Variants in PTGER1 observed in about 807,000 individuals in gnomAD.
PTGER1 encodes prostaglandin E receptor 1.
Under a neutral mutation model 18.5 loss-of-function variants are expected in PTGER1, and 15 were observed. The ratio of observed to expected loss-of-function variants is 0.81; its 90% CI spans 0.54 to 1.25. The LOEUF is 1.25. Among genes scored for constraint, PTGER1 ranks in the 50% most tolerant of loss-of-function variants. PTGER1 has a pLI of 0.00. For synonymous variants in PTGER1, 339 were observed against 308.4 expected (o/e 1.10, Z -1.04); for missense variants, 567 against 603.4 (o/e 0.94, Z 0.63).
intron 2 of PTGER1, 48 bp from the exon 3 acceptor site, chr19:14,472,874 G>A (rs201936331): frequency 6.6e-7 from 1 of 1,506,498 alleles, no homozygotes; most frequent in Admixed American, 2.1e-5. Context: ...GGGCGCAGGG[G>A]GGCGCAGGGA....
rs1398382263 is a variant in PTGER1 at position 14,474,247 on chromosome 19, T to A, written c.74A>T (p.Asn25Ile). 14 of 1,529,668 alleles carry A rather than the reference T, an allele frequency of 9.2e-6. No individual in the cohort carries two copies. The highest frequency in any genetic ancestry group is 1.2e-5 in the Non-Finnish European group (14 of 1,144,252). 94.8% of individuals were successfully genotyped at this position (1,529,668 alleles called of 1,614,324 possible). A position where few individuals can be genotyped will look rare whatever the true frequency, so the allele number is the denominator to read the frequency against. Residue 25 changes from asparagine to isoleucine, a missense_variant, in exon 2 of 3, where the codon AAC (asparagine) becomes ATC (isoleucine). By Grantham distance (149) the Asn-to-Ile change is moderately radical. Coordinates refer to ENST00000292513, the MANE Select transcript of PTGER1 (RefSeq NM_000955.3). The surrounding 1 kb of genome is among the most constrained non-coding windows in gnomAD (Gnocchi z 5.4). The part of the protein sequence containing the change: ...ATTCAAPWVP[N>I]TSAVPPSGAS... ...GCCCGACGGCGGCACGGCCGACGTG[T>A]TGGGGACCCAGGGCGCCGCGCATGT...
In PTGER1 at chr19:14,474,463, TG is replaced by T; in HGVS notation, c.-17-127del. The T allele has an allele frequency of 1.8e-6, 2 of 1,115,176 alleles. No homozygotes were observed. Among genetic ancestry groups the T allele is most frequent in the Non-Finnish European group, 2.4e-6 (2 of 838,966 alleles). The allele number at this position is 1,115,176 out of a possible 1,614,324, so 69.1% of individuals were successfully genotyped here. On this transcript the variant is annotated intron_variant, in intron 1 of 2. Transcript: ENST00000292513. The surrounding 1 kb of genome is among the most constrained non-coding windows in gnomAD (Gnocchi z 5.4). Reference sequence around the variant, plus strand: ...CGTTCTCAGGCGGCCCCTCTGCCCATGGCAGTTGCCATGGGCAACTCCAAAT... The same window carrying T: ...CGTTCTCAGGCGGCCCCTCTGCCCATGCAGTTGCCATGGGCAACTCCAAAT...
At position 14,474,032 on chromosome 19, in the gene PTGER1, G is replaced by T. The variant is rs1467103732; in HGVS notation, c.289C>A (p.Arg97Ser). The T allele has an allele frequency of 1.3e-6, 2 of 1,498,622 alleles. No individual in the cohort carries two copies. Among genetic ancestry groups the T allele is most frequent in the Non-Finnish European group, 1.8e-6 (2 of 1,129,214 alleles). The allele number at this position is 1,498,622 out of a possible 1,614,324, so 92.8% of individuals were successfully genotyped here. ...GHVIPGALVL[R>S]LYTAGRAPAG... The stretch of plus-strand genomic sequence containing the variant: ...GGAGCGCGCCCCGCAGTGTACAGAC[G>T]CAGCACCAGCGCGCCCGGGATCACG... The change falls in exon 2 of 3, where the codon CGT becomes AGT. Residue 97 changes from arginine (R) to serine (S), a missense_variant. Arg to Ser is a moderately radical substitution (Grantham distance 110, BLOSUM62 -1). Transcript: ENST00000292513. This position sits in a 1 kb window ranked among gnomAD's most constrained non-coding sequence, Gnocchi z 5.4.
At position 14,473,535 on chromosome 19, in the gene PTGER1, G is replaced by A. The variant is rs1174787759; in HGVS notation, c.786C>T (p.Ser262=). The change falls in exon 2 of 3, where the codon TCC becomes TCT. Residue 262 remains serine, a synonymous_variant. Transcript: ENST00000292513. The surrounding 1 kb of genome is among the most constrained non-coding windows in gnomAD (Gnocchi z 7.1). ...RWGAHGPRSA[S]ASSASSIASA... Reference sequence around the variant, plus strand: ...AAGCGATGGACGAGGCGGACGAGGCGGAGGCCGAGCGGGGTCCGTGCGCCC... The same window carrying A: ...AAGCGATGGACGAGGCGGACGAGGCAGAGGCCGAGCGGGGTCCGTGCGCCC... 17 of 1,554,198 alleles carry A rather than the reference G, an allele frequency of 1.1e-5. No individual in the cohort carries two copies. Among genetic ancestry groups the A allele is most frequent in the Admixed American group, 1.9e-5 (1 of 52,406 alleles).
In PTGER1 at chr19:14,472,652, TG is replaced by T; in HGVS notation, c.1116del (p.Lys373ArgfsTer9). The part of the protein sequence containing the change: ...LLRLLPPRAG[A>X]KGGPAGLGLT... ...AGGCCCAGCCCCGCGGGGCCGCCCT[TG>T]GCTCCGGCCCTCGGGGGCAAGAGGC... On this transcript the variant is annotated frameshift_variant, in exon 3 of 3. Coordinates refer to ENST00000292513, the MANE Select transcript of PTGER1 (RefSeq NM_000955.3). LOFTEE classifies it high-confidence loss of function. 2 of 1,609,012 alleles carry T rather than the reference TG, an allele frequency of 1.2e-6. No individual in the cohort carries two copies. The highest frequency in any genetic ancestry group is 4.5e-5 in the East Asian group (2 of 44,718).
intron 1 of PTGER1, among the ~76,000 whole-genome samples, chr19:14,475,035 G>A (rs1427069694): frequency 6.6e-6 from 1 of 152,228 alleles, no homozygotes; most frequent in Non-Finnish European, 1.5e-5. Flanking sequence ...GAGGCCTGGA[G>A]GCGGCCCCAC....
In PTGER1 at chr19:14,473,339, C is replaced by A. The variant is rs3745460; in HGVS notation, c.942+40G>T. On this transcript the variant is annotated intron_variant, in intron 2 of 2. Transcript: ENST00000292513. The surrounding 1 kb of genome is among the most constrained non-coding windows in gnomAD (Gnocchi z 7.1). ...AGGGCGGGAGGGTGCCGAGAGGGAG[C>A]GGGAAGGAGCGTGGCTCGAGGGGCC... 1 of 1,549,894 alleles carries A rather than the reference C, an allele frequency of 6.5e-7. No homozygotes were observed. Among genetic ancestry groups the A allele is most frequent in the Non-Finnish European group, 8.7e-7 (1 of 1,152,062 alleles).
chr19:14,472,528 G>A lies in PTGER1; in HGVS notation c.*32C>T, dbSNP rs780719215. On this transcript the variant is annotated 3_prime_UTR_variant, in exon 3 of 3. Coordinates refer to ENST00000292513, the MANE Select transcript of PTGER1 (RefSeq NM_000955.3). ...GCGCACCTGGGCCCAGCCCAGGGTG[G>A]GCTGGCTTAGTCGTTGGGCCTCTGG... 1 of 1,516,840 alleles carries A rather than the reference G, an allele frequency of 6.6e-7. No homozygotes were observed. The highest frequency in any genetic ancestry group is 8.8e-7 in the Non-Finnish European group (1 of 1,139,588). 94.0% of individuals were successfully genotyped at this position (1,516,840 alleles called of 1,614,324 possible). A position where few individuals can be genotyped will look rare whatever the true frequency, so the allele number is the denominator to read the frequency against.
At position 14,472,936 on chromosome 19, in the gene PTGER1, G is replaced by C. The variant is rs2071579295; in HGVS notation, c.943-110C>G. 1.8e-5 allele frequency: 20 copies of C among 1,120,708 alleles called. 1 individual carries two copies. The South Asian group carries it at 3.1e-4, about 17-fold the overall frequency. 69.4% of individuals were successfully genotyped at this position (1,120,708 alleles called of 1,614,324 possible). ...AGCCTGGGAGGAGGGGCGAGCCGTC[G>C]CAGGGAGGGTAAATGGGGATCCAGA... On this transcript the variant is annotated intron_variant, in intron 2 of 2. Coordinates refer to ENST00000292513, the MANE Select transcript of PTGER1 (RefSeq NM_000955.3).
In PTGER1 at chr19:14,474,410, G is replaced by T; in HGVS notation, c.-17-73C>A. 1 of 1,374,562 alleles carries T rather than the reference G, an allele frequency of 7.3e-7. No individual in the cohort carries two copies. Among genetic ancestry groups the T allele is most frequent in the Non-Finnish European group, 9.4e-7 (1 of 1,063,708 alleles). 85.1% of individuals were successfully genotyped at this position (1,374,562 alleles called of 1,614,324 possible). On this transcript the variant is annotated intron_variant, in intron 1 of 2. Transcript: ENST00000292513. This position sits in a 1 kb window ranked among gnomAD's most constrained non-coding sequence, Gnocchi z 5.4. ...GGGACCAGCCCACGGTGCCATCTCA[G>T]AACATCAGGGCCTGTTTGACTCCAT...
chr19:14,473,863 C>G lies in PTGER1; in HGVS notation c.458G>C (p.Arg153Pro). Residue 153 changes from arginine to proline, a missense_variant, in exon 2 of 3, where the codon CGC (arginine) becomes CCC (proline). Transcript: ENST00000292513. The surrounding 1 kb of genome is among the most constrained non-coding windows in gnomAD (Gnocchi z 7.1). Reference protein sequence around the residue: ...LLHAARVSVARARLALAAVAA... With the variant: ...LLHAARVSVAPARLALAAVAA... Reference sequence around the variant, plus strand: ...CACCGCGGCCAGCGCCAGGCGCGCGCGGGCGACCGAGACCCGCGCGGCGTG... The same window carrying G: ...CACCGCGGCCAGCGCCAGGCGCGCGGGGGCGACCGAGACCCGCGCGGCGTG... The G allele has an allele frequency of 8.2e-7, 1 of 1,226,742 alleles. No homozygotes were observed. Among genetic ancestry groups the G allele is most frequent in the Non-Finnish European group, 1.0e-6 (1 of 989,628 alleles). 76.0% of individuals were successfully genotyped at this position (1,226,742 alleles called of 1,614,324 possible). A position where few individuals can be genotyped will look rare whatever the true frequency, so the allele number is the denominator to read the frequency against.
chr19:14,473,562 C>G lies in PTGER1; in HGVS notation c.759G>C (p.Trp253Cys). 1 of 1,512,990 alleles carries G rather than the reference C, an allele frequency of 6.6e-7. No individual in the cohort carries two copies. Among genetic ancestry groups the G allele is most frequent in the Non-Finnish European group, 8.8e-7 (1 of 1,137,226 alleles). 93.7% of individuals were successfully genotyped at this position (1,512,990 alleles called of 1,614,324 possible). A position where few individuals can be genotyped will look rare whatever the true frequency, so the allele number is the denominator to read the frequency against. Residue 253 changes from tryptophan to cysteine, a missense_variant, in exon 2 of 3, where the codon TGG (tryptophan) becomes TGC (cysteine). Physicochemically the swap from Trp to Cys is radical, Grantham distance 215. Transcript: ENST00000292513. This position sits in a 1 kb window ranked among gnomAD's most constrained non-coding sequence, Gnocchi z 7.1. The part of the protein sequence containing the change: ...PASGPDSRRR[W>C]GAHGPRSASA... ...AGGCCGAGCGGGGTCCGTGCGCCCC[C>G]CAGCGACGCCGGCTGTCGGGGCCTG...
At position 14,473,652 on chromosome 19, in the gene PTGER1, C is replaced by A; in HGVS notation, c.669G>T (p.Thr223=). 1 of 1,478,476 alleles carries A rather than the reference C, an allele frequency of 6.8e-7. No individual in the cohort carries two copies. The allele number at this position is 1,478,476 out of a possible 1,614,324, so 91.6% of individuals were successfully genotyped here. The change falls in exon 2 of 3, where the codon ACG becomes ACT. Residue 223 remains threonine (T), a synonymous_variant. Transcript: ENST00000292513. The surrounding 1 kb of genome is among the most constrained non-coding windows in gnomAD (Gnocchi z 7.1). ...CGCGTAGCAGGGCCAGGCCGCTGAG[C>A]GTGTTGCACACCAGCGCGGCGAGGA... ...VALLAALVCN[T]LSGLALLRAR... is the part of the protein sequence containing the mutation.
chr19:14,474,216 C>G lies in PTGER1; in HGVS notation c.105G>C (p.Ser35=). 1.3e-6 allele frequency: 2 copies of G among 1,525,848 alleles called. No homozygotes were observed. The highest frequency in any genetic ancestry group is 1.8e-6 in the Non-Finnish European group (2 of 1,142,280). 94.5% of individuals were successfully genotyped at this position (1,525,848 alleles called of 1,614,324 possible). A position where few individuals can be genotyped will look rare whatever the true frequency, so the allele number is the denominator to read the frequency against. Residue 35 remains serine (S), a synonymous_variant, in exon 2 of 3, where the codon TCG becomes TCC. Transcript: ENST00000292513. The surrounding 1 kb of genome is among the most constrained non-coding windows in gnomAD (Gnocchi z 5.4). Reference sequence around the variant, plus strand: ...TCATGGAGAAGATGGGCAGCGCGGGCGAAGCGCCCGACGGCGGCACGGCCG... The same window carrying G: ...TCATGGAGAAGATGGGCAGCGCGGGGGAAGCGCCCGACGGCGGCACGGCCG... ...NTSAVPPSGA[S]PALPIFSMTL...
At position 14,473,572 on chromosome 19, in the gene PTGER1, C is replaced by T; in HGVS notation, c.749G>A (p.Arg250Gln). Reference protein sequence around the residue: ...RPPPASGPDSRRRWGAHGPRS... With the variant: ...RPPPASGPDSQRRWGAHGPRS... ...GGGTCCGTGCGCCCCCCAGCGACGC[C>T]GGCTGTCGGGGCCTGAGGCCGGGGG... Residue 250 changes from arginine (R) to glutamine (Q), a missense_variant, in exon 2 of 3, where the codon CGG becomes CAG. By Grantham distance (43) the Arg-to-Gln change is conservative (BLOSUM62 1). Transcript: ENST00000292513. The surrounding 1 kb of genome is among the most constrained non-coding windows in gnomAD (Gnocchi z 7.1). The T allele has an allele frequency of 1.3e-6, 2 of 1,504,038 alleles. No homozygotes were observed. The highest frequency in any genetic ancestry group is 1.8e-6 in the Non-Finnish European group (2 of 1,133,618). The allele number at this position is 1,504,038 out of a possible 1,614,324, so 93.2% of individuals were successfully genotyped here.
chr19:14,474,372 C>T lies in PTGER1; in HGVS notation c.-17-35G>A. The T allele has an allele frequency of 6.9e-7, 1 of 1,451,170 alleles. No homozygotes were observed. Among genetic ancestry groups the T allele is most frequent in the Non-Finnish European group, 9.0e-7 (1 of 1,109,652 alleles). The allele number at this position is 1,451,170 out of a possible 1,614,324, so 89.9% of individuals were successfully genotyped here. ...GGAGAGGAGGGCAGAGTGAGGCTGG[C>T]TGGGCCCGGGCGGGGACCAGCCCAC... On this transcript the variant is annotated intron_variant, in intron 1 of 2. Transcript: ENST00000292513. The surrounding 1 kb of genome is among the most constrained non-coding windows in gnomAD (Gnocchi z 5.4).
Position 14,473,819 on chromosome 19 carries a change from C to T in PTGER1, c.502G>A (p.Val168Met), listed in dbSNP as rs1161354696. The T allele has an allele frequency of 9.7e-6, 13 of 1,337,730 alleles. No individual in the cohort carries two copies. The highest frequency in any genetic ancestry group is 1.1e-5 in the Non-Finnish European group (12 of 1,046,190). The allele number at this position is 1,337,730 out of a possible 1,614,324, so 82.9% of individuals were successfully genotyped here. ...LAAVAAVALA[V>M]ALLPLARVGR... ...ACGCGCGCCAGCGGCAGCAGCGCCA[C>T]GGCCAAGGCCACCGCGGCCACCGCG... The change falls in exon 2 of 3, where the codon GTG becomes ATG. Residue 168 changes from valine (V) to methionine (M), a missense_variant. By Grantham distance (21) the Val-to-Met change is conservative. Transcript: ENST00000292513. The surrounding 1 kb of genome is among the most constrained non-coding windows in gnomAD (Gnocchi z 7.1).
Position 14,472,494 on chromosome 19 carries a change from C to T in PTGER1, c.*66G>A. 1.4e-6 allele frequency: 2 copies of T among 1,468,076 alleles called. No homozygotes were observed. Among genetic ancestry groups the T allele is most frequent in the African/African-American group, 1.4e-5 (1 of 70,334 alleles). The allele number at this position is 1,468,076 out of a possible 1,614,324, so 90.9% of individuals were successfully genotyped here. The stretch of plus-strand genomic sequence containing the variant: ...CAGAATGGCTTTTTATTCCCAAAGG[C>T]TCTGCGCCGCGCACCTGGGCCCAGC... On this transcript the variant is annotated 3_prime_UTR_variant, in exon 3 of 3. Coordinates refer to ENST00000292513, the MANE Select transcript of PTGER1 (RefSeq NM_000955.3).
At position 14,473,516 on chromosome 19, in the gene PTGER1, TGGACGAGGC is replaced by T. The variant is rs773155210; in HGVS notation, c.796_804del (p.Ala266_Ser268del). ...CCAAAGAAGGTGGAGGCCGAAGCGATGGACGAGGCGGACGAGGCGGAGGCCGAGCGGGGT... is the reference window on the plus strand; with the variant it reads ...CCAAAGAAGGTGGAGGCCGAAGCGATGGACGAGGCGGAGGCCGAGCGGGGT... On this transcript the variant is annotated inframe_deletion, in exon 2 of 3. Coordinates refer to ENST00000292513, the MANE Select transcript of PTGER1 (RefSeq NM_000955.3). The surrounding 1 kb of genome is among the most constrained non-coding windows in gnomAD (Gnocchi z 7.1). The T allele has an allele frequency of 1.9e-6, 3 of 1,571,532 alleles. No homozygotes were observed. The highest frequency in any genetic ancestry group is 2.3e-5 in the East Asian group (1 of 42,598).
Sources: allele counts gnomAD v4.1 joint callset (sites outside exome capture counted in the v4.1 genomes callset), GRCh38; gene constraint gnomAD v4.1.1; non-coding constraint Gnocchi (gnomAD v3.1); transcripts MANE v1.5; gene names NCBI Gene and HGNC (gene_info 2026-07-23, HGNC 2026-07-21).